Variants in DPH6 observed in about 807,000 individuals in gnomAD.
DPH6 encodes diphthine--ammonia ligase.
A neutral mutation model predicts 38.2 loss-of-function variants in DPH6; 33 were observed. That is an observed-to-expected ratio of 0.86 (90% CI 0.65 to 1.15). The LOEUF (loss-of-function observed/expected upper bound fraction) is 1.15. Ranked by LOEUF, DPH6 falls within the 50% of genes most tolerant of loss-of-function variation. DPH6 has a pLI of 0.00. For synonymous variants in DPH6, 108 were observed against 103.0 expected (o/e 1.05, Z -0.30); for missense variants, 325 against 320.0 (o/e 1.02, Z -0.12).
At chr15:35,339,256 T>C (rs748567076) in intron 3 of DPH6, among the ~76,000 whole-genome samples, 4 of 151,588 alleles carry the variant, frequency 2.6e-5, no homozygotes, top group East Asian at 1.9e-4. Context: ...GAGATTCTGA[T>C]ACATTGTCTC....
chr15:35,428,549 C>T (rs1289705908), intron 5 of DPH6, among the ~76,000 whole-genome samples: 5 of 152,054 alleles, frequency 3.3e-5, no homozygotes, highest in African/African-American at 4.8e-5. Flanking sequence ...GAAATCTACC[C>T]ATGGGCCTGG....
chr15:35,522,157 T>C lies in DPH6; in HGVS notation c.312+16117A>G, dbSNP rs1042845017. ...AAATGTGTGTTTATCAAACTTGCTG[T>C]GAGTGCACAGTTCATTTGGAGTCCT... On this transcript the variant is annotated intron_variant, in intron 3 of 8. Transcript: ENST00000256538. 7.4e-6 allele frequency: 12 copies of C among 1,613,238 alleles called. No individual in the cohort carries two copies. The African/African-American group carries it at 1.3e-4, about 18-fold the overall frequency.
rs142070634 is a variant in DPH6, at chr15:35,365,613, C to T, written n.207+7908G>A. Among the ~76,000 whole-genome samples the T allele has an allele frequency of 2.0e-4, 30 of 152,126 alleles. No individual in the cohort carries two copies. The East Asian group carries it at 5.0e-3, about 25-fold the overall frequency. On this transcript the variant is annotated intron_variant and non_coding_transcript_variant, in intron 3 of 3. Coordinates refer to the DPH6 transcript ENST00000558973. ...TGGAGTTTGGAAGCATTGATTGTTA[C>T]TTTTATTATTATCCTCTCCCAAACT...
downstream of DPH6, among the ~76,000 whole-genome samples, chr15:35,213,908 C>G (rs542479514): frequency 3.0e-4 from 46 of 152,246 alleles, no homozygotes; most frequent in Non-Finnish European, 4.9e-4. Context: ...GTCAGGAGAT[C>G]GAGACCATCC....
At chr15:35,516,130 A>G (rs1022148234) in intron 3 of DPH6, among the ~76,000 whole-genome samples, 5 of 152,240 alleles carry the variant, frequency 3.3e-5, no homozygotes, top group African/African-American at 1.2e-4. Flanking sequence ...CAGCTGATAC[A>G]TTAAGTACTA....
intron 3 of DPH6, among the ~76,000 whole-genome samples, chr15:35,528,385 T>C (rs1278095928): frequency 6.6e-6 from 1 of 152,172 alleles, no homozygotes; most frequent in East Asian, 1.9e-4. Flanking sequence ...CATAATTCAT[T>C]TTGATTACCA....
At chr15:35,326,587 G>T (rs111547123), downstream of DPH6, among the ~76,000 whole-genome samples, 9 of 151,916 alleles carry the variant, frequency 5.9e-5, no homozygotes, top group African/African-American at 2.2e-4. Flanking sequence ...ATGCACCACC[G>T]TGCCCAGCTA....
At chr15:35,394,570 G>C (rs1287794129) in intron 6 of DPH6, among the ~76,000 whole-genome samples, 2 of 152,210 alleles carry the variant, frequency 1.3e-5, no homozygotes, top group African/African-American at 2.4e-5. Flanking sequence ...ATGAGGCACA[G>C]TGAAAGCAGC....
Position 35,282,857 on chromosome 15 carries a change from T to C in DPH6, n.201-62275A>G, listed in dbSNP as rs2051908512. 8.8e-6 allele frequency: 3 copies of C among 342,386 alleles called. No individual in the cohort carries two copies. The South Asian group carries it at 9.2e-5, about 10-fold the overall frequency. 21.2% of individuals were successfully genotyped at this position (342,386 alleles called of 1,614,324 possible). ...ATCATCAGCCTGGTTGTGGGCCAGC[T>C]TAAGGTGGATGAAGACCCCATCGGG... On this transcript the variant is annotated intron_variant and non_coding_transcript_variant, in intron 3 of 3. Transcript: ENST00000560386.
At position 35,459,265 on chromosome 15, in the gene DPH6, C is replaced by T. The variant is rs146616318; in HGVS notation, c.313-4445G>A. ...CTTCTCTTCCTGCCTTGTAGATGAT[C>T]GTCATCTTGCTGTGTCTTCACATGG... On this transcript the variant is annotated intron_variant, in intron 3 of 8. Transcript: ENST00000256538. 2.1e-3 allele frequency among the ~76,000 whole-genome samples: 318 copies of T among 152,260 alleles called. 1 individual carries two copies. Among genetic ancestry groups the T allele is most frequent in the Non-Finnish European group, 3.0e-3 (202 of 68,028 alleles).
intron 3 of DPH6, among the ~76,000 whole-genome samples, chr15:35,527,536 A>T (rs1276787362): frequency 6.6e-6 from 1 of 152,154 alleles, no homozygotes. Context: ...ATTAAACTAG[A>T]CTAAGTACTA....
chr15:35,155,476 G>C, the DPH6 span, among the ~76,000 whole-genome samples: 1 of 152,168 alleles, frequency 6.6e-6, no homozygotes, highest in African/African-American at 2.4e-5. Context: ...AAGTACCAGA[G>C]ATGGGACTAG....
At chr15:35,333,969 T>C (rs966687389) in intron 3 of DPH6, among the ~76,000 whole-genome samples, 9 of 152,150 alleles carry the variant, frequency 5.9e-5, no homozygotes, top group Admixed American at 2.6e-4. Flanking sequence ...ATCTTGTCCT[T>C]TGCAGGGACA....
chr15:35,231,522 T>C (rs1180098725), intron 3 of DPH6, among the ~76,000 whole-genome samples: 1 of 152,216 alleles, frequency 6.6e-6, no homozygotes, highest in Non-Finnish European at 1.5e-5. Flanking sequence ...TTTTTGTGTG[T>C]AGAAAGTTGT....
At chr15:35,181,553 T>G in the DPH6 span, among the ~76,000 whole-genome samples, 60 of 152,008 alleles carry the variant, frequency 3.9e-4, 2 homozygotes, top group Non-Finnish European at 8.8e-5. Context: ...CAATTGAGAT[T>G]ATGATTGACA....
chr15:35,453,304 T>C (rs566486420), intron 4 of DPH6, among the ~76,000 whole-genome samples: 53 of 151,950 alleles, frequency 3.5e-4, no homozygotes, highest in Non-Finnish European at 6.6e-4. Flanking sequence ...TACACATATA[T>C]GTAATGGGCA....
At chr15:35,259,518 CA>C (rs1211115608) in intron 3 of DPH6, among the ~76,000 whole-genome samples, 1 of 152,148 alleles carries the variant, frequency 6.6e-6, no homozygotes, top group Non-Finnish European at 1.5e-5. Context: ...AGCTTCACAG[CA>C]TTAGCTCTAG....
At chr15:35,339,968 T>C (rs1383820605) in intron 3 of DPH6, among the ~76,000 whole-genome samples, 2 of 152,144 alleles carry the variant, frequency 1.3e-5, no homozygotes, top group African/African-American at 4.8e-5. Context: ...CTGTGTAATA[T>C]TGTCAGTGGG....
chr15:35,543,259 A>ATATATAT lies in DPH6; in HGVS notation c.24-753_24-752insATATATA, dbSNP rs1491418079. On this transcript the variant is annotated intron_variant, in intron 1 of 8. Coordinates refer to ENST00000256538, the MANE Select transcript of DPH6 (RefSeq NM_080650.4). ...ATACATATAGTACACACATACACAT[A>ATATATAT]ATATATATATATATATATATATATA... is the stretch of plus-strand genomic sequence containing the variant. Among the ~76,000 whole-genome samples, 515 of 114,080 alleles carry ATATATAT rather than the reference A, an allele frequency of 4.5e-3. 25 individuals carry two copies. Among genetic ancestry groups the ATATATAT allele is most frequent in the Middle Eastern group, 9.2e-3 (2 of 218 alleles). The allele number at this position is 114,080 out of a possible 152,430, so 74.8% of individuals were successfully genotyped here.
Sources: allele counts gnomAD v4.1 joint callset (sites outside exome capture counted in the v4.1 genomes callset), GRCh38; gene constraint gnomAD v4.1.1; transcripts MANE v1.5; gene names NCBI Gene and HGNC (gene_info 2026-07-23, HGNC 2026-07-21).